HSD17B12: variants seen among roughly 807,000 people sequenced by gnomAD.
The protein encoded by HSD17B12 is hydroxysteroid 17-beta dehydrogenase 12, also known as very-long-chain 3-oxoacyl-CoA reductase.
In HSD17B12, 32 loss-of-function variants were observed where a neutral mutation model predicts 39.3. The ratio of observed to expected loss-of-function variants is 0.81; its 90% CI spans 0.61 to 1.09. The LOEUF (loss-of-function observed/expected upper bound fraction) is 1.09, where lower values mean the gene tolerates loss of function less well. HSD17B12 is among the 50% of genes least tolerant of loss of function. HSD17B12 has a pLI of 0.00. For synonymous variants in HSD17B12, 150 were observed against 146.7 expected, an observed-to-expected ratio of 1.02 and a Z score of -0.16; for missense variants, 342 against 382.9, an observed-to-expected ratio of 0.89 and a Z score of 0.89.
intron 3 of HSD17B12, among the ~76,000 whole-genome samples, chr11:43,759,501 T>C (rs1031109654): frequency 1.3e-5 from 2 of 152,204 alleles, no homozygotes; most frequent in African/African-American, 4.8e-5. Context: ...TTATCATTCT[T>C]AGCCAGGATT....
At chr11:43,622,910 T>A in the HSD17B12 span, among the ~76,000 whole-genome samples, 2 of 152,154 alleles carry the variant, frequency 1.3e-5, no homozygotes, top group Non-Finnish European at 2.9e-5. Flanking sequence ...CCACATGAAT[T>A]TTAACATAGC....
chr11:43,816,934 A>G (rs1442749667), intron 6 of HSD17B12, among the ~76,000 whole-genome samples: 1 of 151,472 alleles, frequency 6.6e-6, no homozygotes, highest in Non-Finnish European at 1.5e-5. Context: ...GTTGCTACAA[A>G]TGCCATTAAT....
intron 6 of HSD17B12, among the ~76,000 whole-genome samples, chr11:43,826,249 A>AT (rs879816071): frequency 2.0e-5 from 3 of 151,368 alleles, no homozygotes; most frequent in African/African-American, 4.9e-5. Context: ...CGCCCGGCTA[A>AT]TTTTTTTGTA....
chr11:43,793,343 G>A (rs1388235083), intron 3 of HSD17B12, among the ~76,000 whole-genome samples: 7 of 152,200 alleles, frequency 4.6e-5, no homozygotes, highest in Non-Finnish European at 1.0e-4. Context: ...TGGAGCAGAT[G>A]TGGGGACAAA....
At chr11:43,569,368 G>C in the HSD17B12 span, 1 of 152,146 alleles carries the variant, frequency 6.6e-6, no homozygotes, top group Non-Finnish European at 1.5e-5. Flanking sequence ...CTGAGCAATT[G>C]GTTGTCATTG....
At chr11:43,795,699 A>AGGGAAAAGAGAGGAGGGT (rs1408389616) in intron 3 of HSD17B12, among the ~76,000 whole-genome samples, 5 of 152,202 alleles carry the variant, frequency 3.3e-5, no homozygotes, top group Non-Finnish European at 7.3e-5. Context: ...AGCCAGCCTA[A>AGGGAAAAGAGAGGAGGGT]GGGAAAAGAG....
In HSD17B12 at chr11:43,742,790, A is replaced by G. The variant is rs11037592; in HGVS notation, c.161-8121A>G. Among the ~76,000 whole-genome samples, 1,058 of 151,366 alleles carry G rather than the reference A, an allele frequency of 7.0e-3. 8 individuals are homozygous for G. The highest frequency in any genetic ancestry group is 0.043 in the East Asian group (222 of 5,144). ...TTTTTTGTGCCCATAAATAATTTTT[A>G]CACTTCTCTGTTTTCTCAGAAAAAA... On this transcript the variant is annotated intron_variant, in intron 1 of 10. Coordinates refer to ENST00000278353, the MANE Select transcript of HSD17B12 (RefSeq NM_016142.3).
Position 43,701,307 on chromosome 11 carries a change from A to T in HSD17B12, c.160+20320A>T, listed in dbSNP as rs558517320. Among the ~76,000 whole-genome samples the T allele has an allele frequency of 4.7e-4, 72 of 152,144 alleles. 1 individual carries two copies. Among genetic ancestry groups the T allele is most frequent in the African/African-American group, 1.7e-3 (71 of 41,526 alleles). ...TGGGTTGTCTCTTCACTTTGATTGT[A>T]TCCTTTGCTGTGCAGAAGCTTTTTA... On this transcript the variant is annotated intron_variant, in intron 1 of 10. Transcript: ENST00000278353.
chr11:43,684,153 C>G (rs750119682), intron 1 of HSD17B12, among the ~76,000 whole-genome samples: 34 of 152,216 alleles, frequency 2.2e-4, no homozygotes, highest in Middle Eastern at 3.2e-3. Context: ...CAGTAACATT[C>G]CCACTCAGGT....
chr11:43,596,068 T>G, the HSD17B12 span, among the ~76,000 whole-genome samples: 9 of 152,160 alleles, frequency 5.9e-5, no homozygotes, highest in Non-Finnish European at 1.2e-4. Flanking sequence ...TTGATTTGTT[T>G]TTTATAGGGG....
At position 43,854,754 on chromosome 11, in the gene HSD17B12, A is replaced by G; in HGVS notation, c.724A>G (p.Ile242Val). ...PYFVATKLAK[I>V]RKPTLDKPSP... ...CTTCGTAGCTACAAAACTGGCTAAAATCCGGAAGCCAACTTTGGATAAGCC... is the reference window on the plus strand; with the variant it reads ...CTTCGTAGCTACAAAACTGGCTAAAGTCCGGAAGCCAACTTTGGATAAGCC... The change falls in exon 10 of 11, where the codon ATC becomes GTC. Residue 242 changes from isoleucine (I) to valine (V), a missense_variant. Coordinates refer to ENST00000278353, the MANE Select transcript of HSD17B12 (RefSeq NM_016142.3). 6.2e-7 allele frequency: 1 copy of G among 1,614,112 alleles called. No homozygotes were observed. Among genetic ancestry groups the G allele is most frequent in the Non-Finnish European group, 8.5e-7 (1 of 1,180,032 alleles).
chr11:43,855,061 A>G lies in HSD17B12; in HGVS notation c.835-83A>G, dbSNP rs549050632. 3.5e-5 allele frequency: 40 copies of G among 1,133,952 alleles called. No homozygotes were observed. In the South Asian group the frequency reaches 4.4e-4, roughly 12 times the overall value. The allele number at this position is 1,133,952 out of a possible 1,614,324, so 70.2% of individuals were successfully genotyped here. A position where few individuals can be genotyped will look rare whatever the true frequency, so the allele number is the denominator to read the frequency against. On this transcript the variant is annotated intron_variant, in intron 10 of 10. Coordinates refer to ENST00000278353, the MANE Select transcript of HSD17B12 (RefSeq NM_016142.3). The stretch of plus-strand genomic sequence containing the variant: ...TCTACCTATAAATAAAAACAACACT[A>G]TAATAAAACATTAAATCATATGCTT...
At chr11:43,638,151 T>C in the HSD17B12 span, among the ~76,000 whole-genome samples, 2 of 152,336 alleles carry the variant, frequency 1.3e-5, no homozygotes, top group East Asian at 3.9e-4. Flanking sequence ...CCAGTTTCTC[T>C]GGATCATCAT....
the HSD17B12 span, among the ~76,000 whole-genome samples, chr11:43,572,006 C>T: frequency 2.0e-4 from 30 of 152,226 alleles, 1 homozygote; most frequent in African/African-American, 7.2e-4. Flanking sequence ...GAAGGAGCGA[C>T]GGAGGACTAG....
At chr11:43,582,257 C>G in the HSD17B12 span, among the ~76,000 whole-genome samples, 1 of 152,230 alleles carries the variant, frequency 6.6e-6, no homozygotes, top group African/African-American at 2.4e-5. Flanking sequence ...CCGACTCAGA[C>G]GCTTAGCAGG....
At chr11:43,846,637 C>A (rs1046480952) in intron 9 of HSD17B12, among the ~76,000 whole-genome samples, 1 of 152,156 alleles carries the variant, frequency 6.6e-6, no homozygotes, top group Non-Finnish European at 1.5e-5. Flanking sequence ...TGCATACTAG[C>A]CTGGGCAACA....
At chr11:43,728,269 T>C (rs867564527) in intron 1 of HSD17B12, among the ~76,000 whole-genome samples, 15 of 152,130 alleles carry the variant, frequency 9.9e-5, no homozygotes, top group African/African-American at 3.6e-4. Context: ...TTTCACCATG[T>C]TGGCCGGGCT....
At chr11:43,582,002 C>G in the HSD17B12 span, among the ~76,000 whole-genome samples, 1 of 152,060 alleles carries the variant, frequency 6.6e-6, no homozygotes, top group Non-Finnish European at 1.5e-5. Flanking sequence ...GTGCGGGGGA[C>G]CCGGAGGTGA....
intron 7 of HSD17B12, among the ~76,000 whole-genome samples, chr11:43,836,837 A>G (rs1451804553): frequency 2.0e-5 from 3 of 152,168 alleles, no homozygotes; most frequent in African/African-American, 4.8e-5. Flanking sequence ...ACAAATTCTT[A>G]CCTTAAAATT....
Sources: allele counts gnomAD v4.1 joint callset (sites outside exome capture counted in the v4.1 genomes callset), GRCh38; gene constraint gnomAD v4.1.1; transcripts MANE v1.5; gene names NCBI Gene and HGNC (gene_info 2026-07-23, HGNC 2026-07-21).